Variants in NUP98 observed in about 807,000 individuals in gnomAD.
NUP98 encodes nuclear pore complex protein Nup98-Nup96.
NUP98 carries 26 observed loss-of-function variants against 191.9 expected under a neutral mutation model. That is an observed-to-expected ratio of 0.14 (90% CI 0.10 to 0.19). The LOEUF is 0.19. Among genes scored for constraint, NUP98 ranks in the 10% least tolerant of loss-of-function variants. The pLI, the probability that NUP98 is intolerant of heterozygous loss-of-function variation, is 1.00. For synonymous variants in NUP98, 808 were observed against 778.4 expected (o/e 1.04, Z -0.63); for missense variants, 1,941 against 2,178.8 (o/e 0.89, Z 2.17).
intron 10 of NUP98, among the ~76,000 whole-genome samples, chr11:3,758,307 C>A (rs1589895662): frequency 1.4e-5 from 2 of 145,984 alleles, no homozygotes. Context: ...GGAGACAGAG[C>A]GAGACTCCGT....
chr11:3,712,228 C>T, intron 20 of NUP98: 1 of 1,097,102 alleles, frequency 9.1e-7, no homozygotes, highest in Non-Finnish European at 1.1e-6. Flanking sequence ...TCAATAAAGG[C>T]AGAATTTACT....
In NUP98 at chr11:3,754,049, T is replaced by C. The variant is rs563256960; in HGVS notation, c.1175-641A>G. 2.9e-4 allele frequency among the ~76,000 whole-genome samples: 44 copies of C among 152,312 alleles called. 2 individuals are homozygous for C. The highest frequency in any genetic ancestry group is 2.8e-3 in the Admixed American group (43 of 15,286). ...TGAACACACTTGAGCTTTGGGAACATTGCCTTTGTAAGGCCCAAAGCTTTC... is the reference window on the plus strand; with the variant it reads ...TGAACACACTTGAGCTTTGGGAACACTGCCTTTGTAAGGCCCAAAGCTTTC... On this transcript the variant is annotated intron_variant, in intron 10 of 32. Coordinates refer to ENST00000324932, the MANE Select transcript of NUP98 (RefSeq NM_016320.5).
chr11:3,712,595 G>A lies in NUP98; in HGVS notation c.2711C>T (p.Ala904Val), dbSNP rs139055389. The change falls in exon 20 of 33, where the codon GCT becomes GTT. Residue 904 changes from alanine (A) to valine (V), a missense_variant. Physicochemically the swap from Ala to Val is moderately conservative, Grantham distance 64. This residue lies in a region of NUP98 where 1,030 missense variants were observed against 1,115.8 expected (regional missense o/e 0.92). Coordinates refer to ENST00000324932, the MANE Select transcript of NUP98 (RefSeq NM_016320.5). ...TGGAGGTGCAGGTTTGCCATTAAGA[G>A]CCATCTGCAAGGGCGTAGTCTGGCT... is the stretch of plus-strand genomic sequence containing the variant. Reference protein sequence around the residue: ...PASQTTPLQMALNGKPAPPPQ... With the variant: ...PASQTTPLQMVLNGKPAPPPQ... 113 of 1,614,058 alleles carry A rather than the reference G, an allele frequency of 7.0e-5. 1 individual carries two copies. The South Asian group carries it at 1.2e-3, about 17-fold the overall frequency.
At chr11:3,736,585 G>A (rs1293261861) in intron 12 of NUP98, among the ~76,000 whole-genome samples, 3 of 152,150 alleles carry the variant, frequency 2.0e-5, no homozygotes, top group South Asian at 2.1e-4. Context: ...CCGAGATCGC[G>A]CCACTGCACT....
chr11:3,682,116 T>G (rs1366916037), intron 30 of NUP98, among the ~76,000 whole-genome samples: 1 of 152,226 alleles, frequency 6.6e-6, no homozygotes, highest in African/African-American at 2.4e-5. Flanking sequence ...TTCTGTAGCT[T>G]CCTCACCTCT....
In NUP98 at chr11:3,675,897, T is replaced by C. The variant is rs914222668; in HGVS notation, c.*262A>G. ...GGGGGATTCTGCCAAAGGAGCTTTA[T>C]TGACCATTTTTTTAAAGGAAAAACA... On this transcript the variant is annotated 3_prime_UTR_variant, in exon 33 of 33. Transcript: ENST00000324932. The C allele has an allele frequency of 1.6e-5, 8 of 504,508 alleles. No homozygotes were observed. The highest frequency in any genetic ancestry group is 2.5e-5 in the Non-Finnish European group (7 of 280,206). The allele number at this position is 504,508 out of a possible 1,614,324, so 31.3% of individuals were successfully genotyped here.
At chr11:3,735,127 C>T in intron 13 of NUP98, 64 bp downstream of exon 13, 1 of 1,431,596 alleles carries the variant, frequency 7.0e-7, no homozygotes, top group Non-Finnish European at 9.2e-7. Context: ...CAAAAAATTA[C>T]ATTCTGCACA....
At chr11:3,793,960 ACT>A (rs985797847) in intron 1 of NUP98, among the ~76,000 whole-genome samples, 8 of 151,464 alleles carry the variant, frequency 5.3e-5, no homozygotes, top group African/African-American at 9.8e-5. Flanking sequence ...CAAGAGCGAA[ACT>A]CTGTCTCAAA....
intron 16 of NUP98, among the ~76,000 whole-genome samples, chr11:3,721,994 CA>C (rs2079419826): frequency 6.7e-6 from 1 of 148,868 alleles, no homozygotes; most frequent in South Asian, 2.1e-4. Flanking sequence ...TGGCAGCAAA[CA>C]AGGTAAATGA....
rs1409939430 is a variant in NUP98, at chr11:3,778,863, T to G, written c.355+10A>C. On this transcript the variant is annotated intron_variant, in intron 4 of 32. Coordinates refer to ENST00000324932, the MANE Select transcript of NUP98 (RefSeq NM_016320.5). ...TATTAGATGCAGAACTCCAGTGATG[T>G]CCCACTTACTGCCAAAGCCAGTTGG... 3 of 1,612,498 alleles carry G rather than the reference T, an allele frequency of 1.9e-6. No individual in the cohort carries two copies. In the South Asian group the frequency reaches 3.3e-5, roughly 18 times the overall value.
chr11:3,765,670 G>A lies in NUP98; in HGVS notation c.949-2631C>T, dbSNP rs186370492. On this transcript the variant is annotated intron_variant, in intron 8 of 32. Coordinates refer to ENST00000324932, the MANE Select transcript of NUP98 (RefSeq NM_016320.5). ...AAAAAAATTAGCCGGGCACGGTGGC[G>A]CACACCTGTAATCCCAGTTACTCAG... 1.3e-4 allele frequency among the ~76,000 whole-genome samples: 20 copies of A among 151,942 alleles called. No homozygotes were observed. In the East Asian group the frequency reaches 2.1e-3, roughly 16 times the overall value.
At chr11:3,757,252 G>C (rs1308202968) in intron 10 of NUP98, among the ~76,000 whole-genome samples, 1 of 151,744 alleles carries the variant, frequency 6.6e-6, no homozygotes, top group African/African-American at 2.4e-5. Flanking sequence ...ACTTTGGGAA[G>C]CCAAGACAGG....
rs1214670049 is a variant in NUP98, at chr11:3,779,298, A to G, written c.77-41T>C. 3 of 1,434,982 alleles carry G rather than the reference A, an allele frequency of 2.1e-6. No individual in the cohort carries two copies. The African/African-American group carries it at 4.2e-5, about 20-fold the overall frequency. 88.9% of individuals were successfully genotyped at this position (1,434,982 alleles called of 1,614,324 possible). ...CCAGAGTAAATTAGAATTTAGAATA[A>G]AATCTACGTAAGATGACCAAATGAA... On this transcript the variant is annotated intron_variant, in intron 2 of 32. Transcript: ENST00000324932.
rs766399673 is a variant in NUP98, at chr11:3,702,649, T to C, written c.3326A>G (p.Tyr1109Cys). The C allele has an allele frequency of 8.1e-6, 13 of 1,613,952 alleles. No individual in the cohort carries two copies. The African/African-American group carries it at 1.2e-4, about 15-fold the overall frequency. The change falls in exon 23 of 33, where the codon TAT (tyrosine) becomes TGT (cysteine). Residue 1109 changes from tyrosine to cysteine, a missense_variant. By Grantham distance (194) the Tyr-to-Cys change is radical. This residue lies in a region of NUP98 where 1,030 missense variants were observed against 1,115.8 expected (regional missense o/e 0.92). Transcript: ENST00000324932. ...GTCCATCAAGAGTTTTCCCTTGCCA[T>C]AGGTGACAGACTTTTCACGAGGGAC... Reference protein sequence around the residue: ...GLVPREKSVTYGKGKLLMDMA... With the variant: ...GLVPREKSVTCGKGKLLMDMA...
rs1425144084 is a variant in NUP98, at chr11:3,675,753, C to T, written c.*406G>A. ...GTTAAGGATCCATTATCACCTGTCT[C>T]ACTCCTCCTAAGGAGTCCTAGTATA... On this transcript the variant is annotated 3_prime_UTR_variant, in exon 33 of 33. Coordinates refer to ENST00000324932, the MANE Select transcript of NUP98 (RefSeq NM_016320.5). 2 of 308,932 alleles carry T rather than the reference C, an allele frequency of 6.5e-6. No homozygotes were observed. The highest frequency in any genetic ancestry group is 9.2e-5 in the Admixed American group (2 of 21,712). The allele number at this position is 308,932 out of a possible 1,614,324, so 19.1% of individuals were successfully genotyped here.
At chr11:3,746,891 C>T (rs1279921606) in intron 11 of NUP98, among the ~76,000 whole-genome samples, 1 of 127,784 alleles carries the variant, frequency 7.8e-6, no homozygotes, top group Non-Finnish European at 1.6e-5. Flanking sequence ...CCAGCCTGGG[C>T]AAGAAGAGCA....
intron 1 of NUP98, among the ~76,000 whole-genome samples, chr11:3,792,620 G>C (rs4910809): frequency 0.053 from 8,115 of 151,734 alleles, 263 homozygotes; most frequent in Middle Eastern, 0.1. Context: ...CAAAAACAAA[G>C]AAACAAACAA....
At chr11:3,710,050 TG>T (rs1312665868) in intron 20 of NUP98, among the ~76,000 whole-genome samples, 1 of 149,802 alleles carries the variant, frequency 6.7e-6, no homozygotes, top group African/African-American at 2.5e-5. Flanking sequence ...TCTACCTGAG[TG>T]CCAAAGGCCT....
In NUP98 at chr11:3,720,698, A is replaced by G; in HGVS notation, c.2260+14T>C. 1 of 1,396,684 alleles carries G rather than the reference A, an allele frequency of 7.2e-7. No individual in the cohort carries two copies. Among genetic ancestry groups the G allele is most frequent in the Non-Finnish European group, 1.0e-6 (1 of 988,152 alleles). 86.5% of individuals were successfully genotyped at this position (1,396,684 alleles called of 1,614,324 possible). On this transcript the variant is annotated intron_variant, in intron 17 of 32. Coordinates refer to ENST00000324932, the MANE Select transcript of NUP98 (RefSeq NM_016320.5). ...CTCTCTGGCTTAATCACTAAGTGCT[A>G]AACTCACACTTACCTTTCCGACCAA... is the stretch of plus-strand genomic sequence containing the variant.
Sources: allele counts gnomAD v4.1 joint callset (sites outside exome capture counted in the v4.1 genomes callset), GRCh38; gene constraint gnomAD v4.1.1; regional missense constraint gnomAD v4.1.1; transcripts MANE v1.5; gene names NCBI Gene and HGNC (gene_info 2026-07-23, HGNC 2026-07-21).